The following CPE variants were observed in gnomAD, a reference collection of about 807,000 sequenced individuals.
The protein encoded by CPE is carbocypeptidase E.
A neutral mutation model predicts 53.5 loss-of-function variants in CPE; 17 were observed. The ratio of observed to expected loss-of-function variants is 0.32; its 90% confidence interval spans 0.22 to 0.48. The LOEUF is 0.48. Ranked by LOEUF, CPE falls within the 20% of genes least tolerant of loss-of-function variation. The pLI is 0.99. For synonymous variants in CPE, 226 were observed against 228.8 expected (o/e 0.99, Z 0.11); for missense variants, 524 against 614.7 (o/e 0.85, Z 1.56).
At chr4:165,426,303 T>G (rs1038711506) in intron 1 of CPE, among the ~76,000 whole-genome samples, 2 of 152,236 alleles carry the variant, frequency 1.3e-5, no homozygotes, top group South Asian at 2.1e-4. Flanking sequence ...AGGTTAGCCT[T>G]TGTTATATAT....
chr4:165,384,279 G>C (rs190068285), intron 1 of CPE, among the ~76,000 whole-genome samples: 181 of 152,288 alleles, frequency 1.2e-3, no homozygotes, highest in African/African-American at 4.2e-3. Context: ...GCTCTTAATA[G>C]GCTAATGTAT....
rs1164226641 is a variant in CPE, at chr4:165,404,558, G to T, written c.307+25030G>T. 6 of 926,848 alleles carry T rather than the reference G, an allele frequency of 6.5e-6. No individual in the cohort carries two copies. In the East Asian group the frequency reaches 1.4e-4, roughly 22 times the overall value. The allele number at this position is 926,848 out of a possible 1,614,324, so 57.4% of individuals were successfully genotyped here. ...CCCAAAGGCTTTGCCCAGATCTTTG[G>T]CCACATGTTTCGCTACATCCACGCC... On this transcript the variant is annotated intron_variant, in intron 1 of 8. Coordinates refer to ENST00000402744, the MANE Select transcript of CPE (RefSeq NM_001873.4).
chr4:165,481,016 A>ATATATATATATATATATATATTTTTT (rs1491161430), intron 3 of CPE, among the ~76,000 whole-genome samples: 1 of 111,040 alleles, frequency 9.0e-6, no homozygotes, highest in African/African-American at 3.4e-5. Context: ...ATATATATAT[A>ATATATATATATATATATATATTTTTT]TTTTTTTTTT....
intron 1 of CPE, among the ~76,000 whole-genome samples, chr4:165,460,783 T>C (rs1310787054): frequency 3.3e-5 from 5 of 152,176 alleles, no homozygotes; most frequent in Non-Finnish European, 7.4e-5. Flanking sequence ...TTTATTCTTA[T>C]CGTATTCTTA....
chr4:165,464,569 G>A lies in CPE; in HGVS notation c.487G>A (p.Glu163Lys). The change falls in exon 2 of 9, where the codon GAG becomes AAG. Residue 163 changes from glutamate (E) to lysine (K), a missense_variant. Coordinates refer to ENST00000402744, the MANE Select transcript of CPE (RefSeq NM_001873.4). ...GCCTTCCCTGAACCCAGATGGCTTT[G>A]AGAAGGCAGCGTCTCAGGTGAGTGC... ...IMPSLNPDGF[E>K]KAASQPGELK... 1 of 1,611,162 alleles carries A rather than the reference G, an allele frequency of 6.2e-7. No homozygotes were observed. Among genetic ancestry groups the A allele is most frequent in the Non-Finnish European group, 8.5e-7 (1 of 1,178,216 alleles).
chr4:165,447,341 C>T (rs141455823), intron 1 of CPE, among the ~76,000 whole-genome samples: 6,266 of 152,162 alleles, frequency 0.041, 210 homozygotes, highest in East Asian at 0.14. Context: ...GAGACCGAGG[C>T]GGGCAGATTA....
chr4:165,444,318 A>G (rs989240125), intron 1 of CPE, among the ~76,000 whole-genome samples: 1 of 152,166 alleles, frequency 6.6e-6, no homozygotes, highest in Non-Finnish European at 1.5e-5. Context: ...TAGAAGGGGT[A>G]CTGCATTTTC....
At chr4:165,393,194 G>A (rs933322863) in intron 1 of CPE, among the ~76,000 whole-genome samples, 1 of 152,072 alleles carries the variant, frequency 6.6e-6, no homozygotes, top group Non-Finnish European at 1.5e-5. Context: ...AAAAAGCAAT[G>A]TCATTTGAGT....
chr4:165,495,455 G>C (rs1403625882), intron 7 of CPE, 104 bp from the exon 8 acceptor site: 2 of 659,810 alleles, frequency 3.0e-6, no homozygotes, highest in Non-Finnish European at 5.1e-6. Context: ...AATCAAAAAA[G>C]GTGAACTGAG....
chr4:165,484,296 C>G, intron 4 of CPE, 126 bp from the exon 5 acceptor site: 1 of 865,430 alleles, frequency 1.2e-6, no homozygotes, highest in Non-Finnish European at 1.7e-6. Flanking sequence ...TACCTCTTTC[C>G]CATAGTTATG....
chr4:165,424,134 T>TTA (rs375026887), intron 1 of CPE, among the ~76,000 whole-genome samples: 4 of 151,922 alleles, frequency 2.6e-5, no homozygotes, highest in African/African-American at 9.7e-5. Flanking sequence ...CATTTTTTTT[T>TTA]AGTTATTTAC....
chr4:165,412,694 C>T (rs1326529312), intron 1 of CPE, among the ~76,000 whole-genome samples: 1 of 152,160 alleles, frequency 6.6e-6, no homozygotes, highest in African/African-American at 2.4e-5. Context: ...AAAAACAACC[C>T]TCTGAGGGAG....
rs200432846 is a variant in CPE at position 165,451,479 on chromosome 4, ATTAT to A, written c.308-12887_308-12884del. Among the ~76,000 whole-genome samples, 739 of 150,452 alleles carry A rather than the reference ATTAT, an allele frequency of 4.9e-3. 2 individuals are homozygous for A. The highest frequency in any genetic ancestry group is 8.6e-3 in the Non-Finnish European group (579 of 67,702). ...ACAACTCAGCAGAAGAGGTTTTATT[ATTAT>A]TTATTTATTTATTTATTTATTTACT... On this transcript the variant is annotated intron_variant, in intron 1 of 8. Coordinates refer to ENST00000402744, the MANE Select transcript of CPE (RefSeq NM_001873.4).
At chr4:165,478,881 A>G (rs1388450682) in intron 3 of CPE, among the ~76,000 whole-genome samples, 2 of 151,472 alleles carry the variant, frequency 1.3e-5, no homozygotes, top group African/African-American at 2.4e-5. Context: ...TATTTTTACT[A>G]CTCTTTTCTC....
At chr4:165,471,870 G>T (rs1029310305) in intron 3 of CPE, among the ~76,000 whole-genome samples, 21 of 152,318 alleles carry the variant, frequency 1.4e-4, no homozygotes, top group Admixed American at 6.5e-4. Flanking sequence ...TGCCATTCCA[G>T]TCAAACCCTT....
intron 1 of CPE, among the ~76,000 whole-genome samples, chr4:165,430,192 A>G (rs1160241658): frequency 6.6e-6 from 1 of 152,228 alleles, no homozygotes; most frequent in East Asian, 1.9e-4. Context: ...ATTGCTTGTA[A>G]GTAACCATAC....
intron 1 of CPE, chr4:165,404,245 G>C (rs1180397820): frequency 5.2e-6 from 4 of 764,060 alleles, no homozygotes; most frequent in Non-Finnish European, 9.8e-6. Context: ...GCCCGAAGAC[G>C]GCTCCAATGT....
At chr4:165,441,598 G>A (rs1898593) in intron 1 of CPE, among the ~76,000 whole-genome samples, 6 of 151,988 alleles carry the variant, frequency 3.9e-5, no homozygotes, top group Non-Finnish European at 7.4e-5. Context: ...TTCCAATTAC[G>A]CCTAATTATT....
At position 165,498,213 on chromosome 4, in the gene CPE, T is replaced by G. The variant is rs1285639167; in HGVS notation, c.*603T>G. 6.6e-6 allele frequency: 1 copy of G among 152,194 alleles called. No homozygotes were observed. Among genetic ancestry groups the G allele is most frequent in the African/African-American group, 2.4e-5 (1 of 41,440 alleles). 9.4% of individuals were successfully genotyped at this position (152,194 alleles called of 1,614,324 possible). A position where few individuals can be genotyped will look rare whatever the true frequency, so the allele number is the denominator to read the frequency against. The stretch of plus-strand genomic sequence containing the variant: ...GCTTGTACATATAGGAGCAATACTA[T>G]TATATTATGTAGTCCGTTAACACTA... On this transcript the variant is annotated 3_prime_UTR_variant, in exon 9 of 9. Transcript: ENST00000402744.
Sources: gnomAD v4.1 joint callset for allele counts (sites outside exome capture counted in the v4.1 genomes callset) on GRCh38, gnomAD v4.1.1 for gene constraint, MANE v1.5 for transcripts, NCBI Gene and HGNC (gene_info 2026-07-23, HGNC 2026-07-21) for gene names.